The following ADAMTS18 variants were observed in gnomAD, a reference collection of about 807,000 sequenced individuals.
The protein encoded by ADAMTS18 is A disintegrin and metalloproteinase with thrombospondin motifs 18.
Under a neutral mutation model 165.9 loss-of-function variants are expected in ADAMTS18, and 157 were observed. That is an observed-to-expected ratio of 0.95 (90% CI 0.83 to 1.08). ADAMTS18 has a LOEUF of 1.08. Among genes scored for constraint, ADAMTS18 ranks in the 50% least tolerant of loss-of-function variants. ADAMTS18 has a pLI of 0.00. For synonymous variants in ADAMTS18, 782 were observed against 578.2 expected (o/e 1.35, Z -5.06); for missense variants, 2,040 against 1,534.0 (o/e 1.33, Z -5.51).
intron 16 of ADAMTS18, among the ~76,000 whole-genome samples, chr16:77,302,697 T>C (rs554849497): frequency 6.6e-6 from 1 of 152,340 alleles, no homozygotes; most frequent in African/African-American, 2.4e-5. Flanking sequence ...TCTTGCCTTT[T>C]GAGCTTCTAG....
rs1461803658 is a variant in ADAMTS18 at position 77,431,448 on chromosome 16, G to A, written c.342C>T (p.Pro114=). The part of the protein sequence containing the change: ...FGQELHLELK[P]SAILSSHFIV... ...TAAAGTGACTGCTCAAAATCGCCGA[G>A]GGCTTAAGTTCTAAGTGCAGTTCCT... Residue 114 remains proline (P), a synonymous_variant, in exon 3 of 23, where the codon CCC becomes CCT. Coordinates refer to ENST00000282849, the MANE Select transcript of ADAMTS18 (RefSeq NM_199355.4). 1.2e-6 allele frequency: 2 copies of A among 1,614,204 alleles called. No individual in the cohort carries two copies. The highest frequency in any genetic ancestry group is 3.3e-5 in the Admixed American group (2 of 60,030).
chr16:77,432,132 A>C (rs983865521), intron 2 of ADAMTS18, among the ~76,000 whole-genome samples: 14 of 152,230 alleles, frequency 9.2e-5, no homozygotes, highest in Non-Finnish European at 1.8e-4. Flanking sequence ...GGGTAGCCTC[A>C]GATGATATTT....
intron 12 of ADAMTS18, among the ~76,000 whole-genome samples, chr16:77,334,030 C>CT (rs2056237020): frequency 1.2e-4 from 15 of 120,162 alleles, no homozygotes; most frequent in African/African-American, 4.2e-4. Flanking sequence ...ATATACAGTG[C>CT]AATATATGCT....
intron 3 of ADAMTS18, among the ~76,000 whole-genome samples, chr16:77,395,966 G>T (rs2057251730): frequency 6.6e-6 from 1 of 152,108 alleles, no homozygotes; most frequent in Admixed American, 6.5e-5. Flanking sequence ...GTCAGGCAGG[G>T]TACCCAGCTA....
At chr16:77,326,221 C>G (rs981141140) in intron 12 of ADAMTS18, among the ~76,000 whole-genome samples, 183 bp from the exon 13 acceptor site, 50 of 152,108 alleles carry the variant, frequency 3.3e-4, no homozygotes, top group African/African-American at 1.2e-3. Flanking sequence ...TGAATCTAGG[C>G]TAGACATAAC....
intron 3 of ADAMTS18, among the ~76,000 whole-genome samples, chr16:77,413,241 A>T (rs1252333012): frequency 6.6e-6 from 1 of 152,144 alleles, no homozygotes; most frequent in Non-Finnish European, 1.5e-5. Flanking sequence ...ATTCCTGAGA[A>T]AACCCTCCCC....
chr16:77,420,269 T>G (rs920815019), intron 3 of ADAMTS18, among the ~76,000 whole-genome samples: 1 of 152,114 alleles, frequency 6.6e-6, no homozygotes, highest in African/African-American at 2.4e-5. Flanking sequence ...TAACTAGCAT[T>G]TGAACATACC....
intron 11 of ADAMTS18, among the ~76,000 whole-genome samples, chr16:77,338,596 C>G (rs1212299819): frequency 6.6e-6 from 1 of 151,848 alleles, no homozygotes; most frequent in African/African-American, 2.4e-5. Context: ...TGACTTAGGC[C>G]ATTATCTTTT....
At chr16:77,360,208 A>G (rs539790255) in intron 7 of ADAMTS18, among the ~76,000 whole-genome samples, 1 of 152,328 alleles carries the variant, frequency 6.6e-6, no homozygotes, top group East Asian at 1.9e-4. Flanking sequence ...ACAAAGGCAC[A>G]AATAAGGGGT....
intron 10 of ADAMTS18, among the ~76,000 whole-genome samples, chr16:77,346,288 C>T (rs537655828): frequency 1.3e-5 from 2 of 152,074 alleles, no homozygotes; most frequent in Admixed American, 6.6e-5. Flanking sequence ...TTTTCTCCCC[C>T]ACTAGCCACG....
At chr16:77,329,102 C>T (rs1456052371) in intron 12 of ADAMTS18, among the ~76,000 whole-genome samples, 1 of 151,322 alleles carries the variant, frequency 6.6e-6, no homozygotes, top group Admixed American at 6.6e-5. Flanking sequence ...GGGAGATTCT[C>T]TCTTTTTTTT....
At chr16:77,338,194 G>A (rs1056486703) in intron 11 of ADAMTS18, among the ~76,000 whole-genome samples, 16 of 152,068 alleles carry the variant, frequency 1.1e-4, no homozygotes, top group African/African-American at 3.4e-4. Context: ...GTGAGCCACC[G>A]CGCCTGGCTC....
At chr16:77,365,773 G>A (rs368636970) in intron 4 of ADAMTS18, among the ~76,000 whole-genome samples, 5 of 152,326 alleles carry the variant, frequency 3.3e-5, no homozygotes, top group African/African-American at 9.6e-5. Flanking sequence ...TGGTCCAGCC[G>A]TAATAGTGAA....
intron 10 of ADAMTS18, among the ~76,000 whole-genome samples, chr16:77,350,629 T>C (rs2056542119): frequency 6.6e-6 from 1 of 152,124 alleles, no homozygotes; most frequent in Non-Finnish European, 1.5e-5. Flanking sequence ...CAGAGATTTG[T>C]GTGTGCAAAT....
chr16:77,419,723 C>A (rs1449631427), intron 3 of ADAMTS18, among the ~76,000 whole-genome samples: 1 of 152,084 alleles, frequency 6.6e-6, no homozygotes, highest in African/African-American at 2.4e-5. Flanking sequence ...AGAAGCTGAC[C>A]TCGCCAGGTG....
intron 3 of ADAMTS18, among the ~76,000 whole-genome samples, chr16:77,396,485 A>C (rs1433264704): frequency 6.6e-6 from 1 of 152,244 alleles, no homozygotes; most frequent in East Asian, 1.9e-4. Context: ...TGAGTAGTAT[A>C]ATTTTTGAAG....
chr16:77,365,756 G>A (rs1378100701), intron 4 of ADAMTS18, among the ~76,000 whole-genome samples: 1 of 152,190 alleles, frequency 6.6e-6, no homozygotes, highest in Non-Finnish European at 1.5e-5. Context: ...GTTTAGTACT[G>A]TAACACTGGT....
At chr16:77,335,987 G>A (rs2056304832) in intron 11 of ADAMTS18, 83 bp from the exon 12 acceptor site, 3 of 1,533,390 alleles carry the variant, frequency 2.0e-6, no homozygotes, top group Non-Finnish European at 1.8e-6. Context: ...CACAGTAACA[G>A]GAAAAACAGG....
At chr16:77,355,828 T>C in intron 9 of ADAMTS18, 112 bp downstream of exon 9, 1 of 1,293,616 alleles carries the variant, frequency 7.7e-7, no homozygotes, top group Admixed American at 1.7e-5. Flanking sequence ...TGTCTTTCTG[T>C]TTATTGACAG....
Sources: allele counts gnomAD v4.1 joint callset (sites outside exome capture counted in the v4.1 genomes callset), GRCh38; gene constraint gnomAD v4.1.1; transcripts MANE v1.5; gene names NCBI Gene and HGNC (gene_info 2026-07-23, HGNC 2026-07-21).